Variants in ZBTB20 observed in about 807,000 individuals in gnomAD.
ZBTB20 encodes zinc finger and BTB domain-containing protein 20.
ZBTB20 carries 9 observed loss-of-function variants against 56.9 expected under a neutral mutation model. The ratio of observed to expected loss-of-function variants is 0.16; its 90% CI spans 0.10 to 0.28. The LOEUF is 0.28. Ranked by LOEUF, ZBTB20 falls within the 10% of genes least tolerant of loss-of-function variation. The probability of loss-of-function intolerance (pLI) is 1.00; values close to 1 mark genes in which losing one functional copy is unlikely to be tolerated. For synonymous variants in ZBTB20, 417 were observed against 420.7 expected, an observed-to-expected ratio of 0.99 and a Z score of 0.11; for missense variants, 655 against 1,003.0, an observed-to-expected ratio of 0.65 and a Z score of 4.69.
intron 6 of ZBTB20, among the ~76,000 whole-genome samples, chr3:114,657,308 C>T (rs573981831): frequency 6.6e-6 from 1 of 152,290 alleles, no homozygotes; most frequent in Non-Finnish European, 1.5e-5. Flanking sequence ...TAGCTATCAT[C>T]TATATTTCTA....
At chr3:114,860,006 T>C (rs899620282) in intron 4 of ZBTB20, among the ~76,000 whole-genome samples, 9 of 152,146 alleles carry the variant, frequency 5.9e-5, no homozygotes, top group Admixed American at 5.2e-4. Context: ...GGACATTCAA[T>C]ATCTATAATT....
intron 10 of ZBTB20, among the ~76,000 whole-genome samples, chr3:114,355,652 C>A (rs1048272551): frequency 6.6e-6 from 1 of 152,112 alleles, no homozygotes; most frequent in African/African-American, 2.4e-5. Flanking sequence ...ATCCAATGGG[C>A]ATTAATGTAT....
intron 1 of ZBTB20, among the ~76,000 whole-genome samples, chr3:115,077,914 T>G (rs1241095480): frequency 6.6e-6 from 1 of 152,222 alleles, no homozygotes; most frequent in Middle Eastern, 3.2e-3. Context: ...ATTAGTATCT[T>G]GAAAAGAGCT....
intron 6 of ZBTB20, among the ~76,000 whole-genome samples, chr3:114,655,669 A>T (rs115742107): frequency 6.6e-6 from 1 of 152,324 alleles, no homozygotes; most frequent in East Asian, 1.9e-4. Context: ...GGATTACAAT[A>T]TGCCTCTTTA....
intron 1 of ZBTB20, among the ~76,000 whole-genome samples, chr3:115,139,473 G>A (rs1019158000): frequency 2.6e-5 from 4 of 151,936 alleles, no homozygotes; most frequent in African/African-American, 9.7e-5. Context: ...TTCTTTCCTA[G>A]TCAGATTTCT....
At chr3:114,443,364 G>C (rs1345512072) in intron 7 of ZBTB20, among the ~76,000 whole-genome samples, 1 of 152,102 alleles carries the variant, frequency 6.6e-6, no homozygotes, top group East Asian at 1.9e-4. Context: ...GACACTTCTG[G>C]GGATGCTGCA....
At chr3:114,576,118 G>A (rs184665684) in intron 6 of ZBTB20, among the ~76,000 whole-genome samples, 59 of 152,256 alleles carry the variant, frequency 3.9e-4, no homozygotes, top group Non-Finnish European at 3.5e-4. Flanking sequence ...CCTACTTTGT[G>A]CTAGAAACCC....
chr3:114,418,475 T>A (rs577520469), intron 7 of ZBTB20, among the ~76,000 whole-genome samples: 1 of 151,776 alleles, frequency 6.6e-6, no homozygotes, highest in Non-Finnish European at 1.5e-5. Flanking sequence ...AGGCTCTCAA[T>A]AAACATTTGC....
chr3:114,703,052 C>T (rs964748858), intron 5 of ZBTB20, among the ~76,000 whole-genome samples: 2 of 151,948 alleles, frequency 1.3e-5, no homozygotes, highest in African/African-American at 4.8e-5. Flanking sequence ...ACCACTGAGT[C>T]ATTCTTTAAA....
intron 6 of ZBTB20, among the ~76,000 whole-genome samples, chr3:114,593,453 C>T (rs966130482): frequency 3.1e-4 from 46 of 147,822 alleles, no homozygotes; most frequent in African/African-American, 9.6e-4. Flanking sequence ...GGCGTGATCT[C>T]GGCTCACCGC....
intron 7 of ZBTB20, among the ~76,000 whole-genome samples, chr3:114,402,622 G>T (rs1050283893): frequency 1.3e-5 from 2 of 152,164 alleles, no homozygotes; most frequent in Non-Finnish European, 1.5e-5. Flanking sequence ...TCACGACGAG[G>T]ATCACAGAGG....
intron 3 of ZBTB20, among the ~76,000 whole-genome samples, chr3:114,926,940 A>C (rs2076180364): frequency 6.6e-6 from 1 of 152,074 alleles, no homozygotes; most frequent in Non-Finnish European, 1.5e-5. Flanking sequence ...ATACGGTCTC[A>C]CTATGTTGCC....
intron 1 of ZBTB20, among the ~76,000 whole-genome samples, chr3:115,107,221 G>A (rs1242312620): frequency 6.6e-6 from 1 of 152,098 alleles, no homozygotes; most frequent in East Asian, 1.9e-4. Flanking sequence ...GAATCTAGGA[G>A]TTAGAGACCA....
chr3:114,790,937 G>C (rs1278669540), intron 5 of ZBTB20, among the ~76,000 whole-genome samples: 1 of 151,944 alleles, frequency 6.6e-6, no homozygotes, highest in African/African-American at 2.4e-5. Context: ...TTCCCTATAT[G>C]ATGACTCAAA....
At chr3:115,056,609 C>T (rs1037281092) in intron 2 of ZBTB20, among the ~76,000 whole-genome samples, 1 of 152,004 alleles carries the variant, frequency 6.6e-6, no homozygotes, top group African/African-American at 2.4e-5. Context: ...TAAAAAGTGT[C>T]TTCTCTTCAA....
At chr3:114,478,026 G>C (rs2109334007) in intron 7 of ZBTB20, among the ~76,000 whole-genome samples, 1 of 138,538 alleles carries the variant, frequency 7.2e-6, no homozygotes, top group African/African-American at 2.6e-5. Context: ...TGTTGCCCAG[G>C]CTGCAGTGCA....
chr3:114,451,378 T>C (rs903073787), intron 7 of ZBTB20, among the ~76,000 whole-genome samples: 2 of 151,858 alleles, frequency 1.3e-5, no homozygotes, highest in Admixed American at 6.6e-5. Flanking sequence ...GGTGAGGGAG[T>C]GGGCCAAGGG....
intron 6 of ZBTB20, among the ~76,000 whole-genome samples, chr3:114,692,245 G>A (rs1450797515): frequency 2.0e-5 from 3 of 152,064 alleles, no homozygotes; most frequent in African/African-American, 7.2e-5. Flanking sequence ...TTACTAATAC[G>A]AGTTTCTTTT....
At chr3:114,570,766 T>C (rs1466207571) in intron 6 of ZBTB20, among the ~76,000 whole-genome samples, 1 of 152,160 alleles carries the variant, frequency 6.6e-6, no homozygotes, top group Non-Finnish European at 1.5e-5. Flanking sequence ...CAGGAGATGG[T>C]TAAGATTTTT....
Sources: gnomAD v4.1 joint callset for allele counts (sites outside exome capture counted in the v4.1 genomes callset) on GRCh38, gnomAD v4.1.1 for gene constraint, MANE v1.5 for transcripts, NCBI Gene and HGNC (gene_info 2026-07-23, HGNC 2026-07-21) for gene names.